Variants in PRKAR1A observed in about 807,000 individuals in gnomAD.
PRKAR1A encodes the protein protein kinase cAMP-dependent type I regulatory subunit alpha, also known as cAMP-dependent protein kinase type I-alpha regulatory subunit.
A neutral mutation model predicts 52.0 loss-of-function variants in PRKAR1A; 3 were observed. The observed-to-expected ratio is 0.06, with a 90% CI of 0.03 to 0.15. PRKAR1A has a LOEUF of 0.15. Among genes scored for constraint, PRKAR1A ranks in the 10% least tolerant of loss-of-function variants. The pLI is 1.00. For missense variants in PRKAR1A, 240 were observed against 477.4 expected (o/e 0.50, Z 4.63); for synonymous variants, 188 against 168.4 (o/e 1.12, Z -0.90).
Position 68,549,703 on chromosome 17 carries a change from C to T in PRKAR1A, c.974-1381C>T, listed in dbSNP as rs117237883. Reference sequence around the variant, plus strand: ...GTCTTTTGAGTATATATTATATGTGCTCGACTAACTGTAACAATAATTTAA... The same window carrying T: ...GTCTTTTGAGTATATATTATATGTGTTCGACTAACTGTAACAATAATTTAA... On this transcript the variant is annotated intron_variant, in intron 11 of 11. Transcript: ENST00000585981. Among the ~76,000 whole-genome samples, 25 of 152,220 alleles carry T rather than the reference C, an allele frequency of 1.6e-4. No individual in the cohort carries two copies. In the East Asian group the frequency reaches 4.6e-3, roughly 28 times the overall value.
At chr17:68,538,452 C>G (rs2086159352) in intron 11 of PRKAR1A, among the ~76,000 whole-genome samples, 2 of 152,202 alleles carry the variant, frequency 1.3e-5, no homozygotes, top group African/African-American at 4.8e-5. Flanking sequence ...GATGTTTTTG[C>G]TAGGTGTGAA....
At chr17:68,429,899 TTTC>T in the PRKAR1A span, 104 of 1,572,584 alleles carry the variant, frequency 6.6e-5, 1 homozygote, top group Non-Finnish European at 5.4e-5. Context: ...TGGGGCAAGT[TTTC>T]TTTTTTTCTT....
At chr17:68,519,602 C>T (rs1447385990) in intron 2 of PRKAR1A, among the ~76,000 whole-genome samples, 1 of 152,198 alleles carries the variant, frequency 6.6e-6, no homozygotes. Flanking sequence ...AAAATACAGT[C>T]ATATTCTCAT....
At chr17:68,456,100 G>T in the PRKAR1A span, among the ~76,000 whole-genome samples, 2 of 152,208 alleles carry the variant, frequency 1.3e-5, no homozygotes, top group East Asian at 3.8e-4. Flanking sequence ...AATAGTGTAT[G>T]TGTTATGGGT....
downstream of PRKAR1A, among the ~76,000 whole-genome samples, chr17:68,534,127 A>G (rs1175617488): frequency 6.6e-6 from 1 of 152,234 alleles, no homozygotes; most frequent in African/African-American, 2.4e-5. Context: ...AGAAAGCAGC[A>G]TTGTTATGTA....
At chr17:68,497,143 A>C in the PRKAR1A span, among the ~76,000 whole-genome samples, 26 of 152,202 alleles carry the variant, frequency 1.7e-4, no homozygotes, top group Admixed American at 6.5e-4. Context: ...TCAGTGGCTA[A>C]ACAAGCTCGA....
the PRKAR1A span, among the ~76,000 whole-genome samples, chr17:68,452,629 CTG>C: frequency 6.6e-6 from 1 of 152,188 alleles, no homozygotes. Context: ...AAATTAATGA[CTG>C]TGCATATAAG....
At chr17:68,480,283 C>T in the PRKAR1A span, among the ~76,000 whole-genome samples, 16 of 152,228 alleles carry the variant, frequency 1.1e-4, no homozygotes, top group Middle Eastern at 3.4e-3. Context: ...TATTCTATTG[C>T]GAACTCATCT....
chr17:68,418,958 A>G, the PRKAR1A span, among the ~76,000 whole-genome samples: 1 of 147,464 alleles, frequency 6.8e-6, no homozygotes, highest in South Asian at 2.1e-4. Context: ...CCCTTTGTTT[A>G]TTTAATTATG....
intron 11 of PRKAR1A, among the ~76,000 whole-genome samples, chr17:68,549,878 T>G (rs1600558826): frequency 6.6e-6 from 1 of 152,228 alleles, no homozygotes; most frequent in East Asian, 1.9e-4. Flanking sequence ...ATGTATTTAT[T>G]TACATATTTT....
chr17:68,429,959 G>A, the PRKAR1A span: 1 of 1,611,834 alleles, frequency 6.2e-7, no homozygotes, highest in Admixed American at 1.7e-5. Context: ...ATTGACGAAA[G>A]TGTGGTCTTG....
At chr17:68,536,545 C>CT (rs1313945687), downstream of PRKAR1A, 2 of 453,952 alleles carry the variant, frequency 4.4e-6, no homozygotes, top group African/African-American at 4.0e-5. Context: ...GGAGGGGCAT[C>CT]TAGAGGGCCT....
chr17:68,435,309 A>T, the PRKAR1A span, among the ~76,000 whole-genome samples: 1 of 152,084 alleles, frequency 6.6e-6, no homozygotes, highest in African/African-American at 2.4e-5. Context: ...TTTGCACTGT[A>T]CTGTGTTTAT....
downstream of PRKAR1A, chr17:68,537,874 T>C: frequency 9.8e-7 from 1 of 1,023,642 alleles, no homozygotes. The surrounding 1 kb of genome is among the most constrained non-coding windows in gnomAD (Gnocchi z 4.2). Context: ...AGGCACATTT[T>C]AATGGAAACC....
At chr17:68,551,123 A>G (rs2086815905) in exon 12 of PRKAR1A, 2 of 1,234,182 alleles carry the variant, frequency 1.6e-6, no homozygotes, top group East Asian at 3.2e-5. Flanking sequence ...CCCCTGGGCT[A>G]AGGCACTGGG....
intron 2 of PRKAR1A, chr17:68,515,783 T>C (rs2085413794): frequency 1.6e-6 from 1 of 637,504 alleles, no homozygotes; most frequent in African/African-American, 1.8e-5. Context: ...AATGAACCTG[T>C]ATGCTAACTG....
the PRKAR1A span, among the ~76,000 whole-genome samples, chr17:68,505,596 T>C: frequency 6.2e-4 from 94 of 152,272 alleles, 2 homozygotes; most frequent in Middle Eastern, 0.01. Flanking sequence ...ATGGACTGCT[T>C]GAGCTCAGGA....
the PRKAR1A span, chr17:68,421,967 C>T: frequency 1.1e-6 from 1 of 880,754 alleles, no homozygotes; most frequent in Non-Finnish European, 1.9e-6. Flanking sequence ...CTCATGGCCA[C>T]AGAATGGTCA....
the PRKAR1A span, among the ~76,000 whole-genome samples, chr17:68,437,652 C>T: frequency 6.6e-6 from 1 of 151,910 alleles, no homozygotes; most frequent in Admixed American, 6.6e-5. Context: ...TTGAGGTCTG[C>T]GTCTGCAGTC....
Sources: gnomAD v4.1 joint callset for allele counts (sites outside exome capture counted in the v4.1 genomes callset) on GRCh38, gnomAD v4.1.1 for gene constraint, Gnocchi (gnomAD v3.1) non-coding constraint, MANE v1.5 for transcripts, NCBI Gene and HGNC (gene_info 2026-07-23, HGNC 2026-07-21) for gene names.